SPIDR: variants seen among roughly 807,000 people sequenced by gnomAD.
SPIDR encodes the protein scaffold protein involved in DNA repair, also known as DNA repair-scaffolding protein.
In SPIDR, 93 loss-of-function variants were observed where a neutral mutation model predicts 104.6. The ratio of observed to expected loss-of-function variants is 0.89; its 90% CI spans 0.75 to 1.06. SPIDR has a LOEUF of 1.06. Ranked by LOEUF, SPIDR falls within the 50% of genes least tolerant of loss-of-function variation. The pLI, the probability that SPIDR is intolerant of heterozygous loss-of-function variation, is 0.00. For missense variants in SPIDR, 1,154 were observed against 1,111.2 expected (o/e 1.04, Z -0.55); for synonymous variants, 431 against 416.9 (o/e 1.03, Z -0.41).
intron 8 of SPIDR, among the ~76,000 whole-genome samples, chr8:47,506,102 A>G (rs1380619379): frequency 6.6e-6 from 1 of 152,178 alleles, no homozygotes; most frequent in Non-Finnish European, 1.5e-5. Context: ...TTGTAATGCT[A>G]CAAGAGTTGA....
At chr8:47,482,615 C>T (rs1292569974) in intron 8 of SPIDR, among the ~76,000 whole-genome samples, 3 of 152,226 alleles carry the variant, frequency 2.0e-5, no homozygotes, top group Non-Finnish European at 2.9e-5. Flanking sequence ...AAATGACAAG[C>T]GAGGCAACTG....
rs1216921611 is a variant in SPIDR at position 47,670,059 on chromosome 8, G to A, written c.1545-3742G>A. 2.0e-5 allele frequency among the ~76,000 whole-genome samples: 3 copies of A among 152,048 alleles called. No homozygotes were observed. In the East Asian group the frequency reaches 5.8e-4, roughly 29 times the overall value. ...AAGCAAAGTCTTGGGGGTATCAGTA[G>A]GAGATGACCAGGCCTTAATGTAATC... On this transcript the variant is annotated intron_variant, in intron 10 of 19. Transcript: ENST00000297423.
intron 8 of SPIDR, among the ~76,000 whole-genome samples, chr8:47,548,923 C>A (rs2089972656): frequency 6.6e-6 from 1 of 152,154 alleles, no homozygotes; most frequent in Non-Finnish European, 1.5e-5. Context: ...TCCCTTCTCC[C>A]CCTACCCCAT....
intron 10 of SPIDR, among the ~76,000 whole-genome samples, chr8:47,599,687 T>C (rs1416459489): frequency 2.0e-5 from 3 of 152,200 alleles, no homozygotes. Flanking sequence ...CACCATCCAA[T>C]GCAGTTAAGT....
intron 5 of SPIDR, among the ~76,000 whole-genome samples, chr8:47,344,201 G>A (rs1392500224): frequency 6.7e-6 from 1 of 149,352 alleles, no homozygotes; most frequent in Non-Finnish European, 1.5e-5. Flanking sequence ...TCCCACCTAT[G>A]AGTGAGAACA....
At chr8:47,641,005 G>A (rs527396302) in intron 10 of SPIDR, among the ~76,000 whole-genome samples, 4 of 151,236 alleles carry the variant, frequency 2.6e-5, no homozygotes, top group Non-Finnish European at 4.4e-5. Context: ...GAGCCACTGC[G>A]CCTGGCTGAG....
At chr8:47,629,010 T>G (rs1029655102) in intron 10 of SPIDR, among the ~76,000 whole-genome samples, 9 of 152,168 alleles carry the variant, frequency 5.9e-5, no homozygotes, top group African/African-American at 2.2e-4. Flanking sequence ...AATGATTAAG[T>G]TGTAAAAATA....
intron 5 of SPIDR, among the ~76,000 whole-genome samples, chr8:47,384,484 G>T (rs1356596611): frequency 6.6e-6 from 1 of 152,050 alleles, no homozygotes; most frequent in African/African-American, 2.4e-5. Flanking sequence ...ACTGGTATCC[G>T]CAGGCTGTAG....
chr8:47,346,274 T>A (rs1461386463), intron 5 of SPIDR, among the ~76,000 whole-genome samples: 2 of 152,224 alleles, frequency 1.3e-5, no homozygotes, highest in African/African-American at 4.8e-5. Context: ...GTTTATTGAT[T>A]TGCGTATATT....
intron 8 of SPIDR, among the ~76,000 whole-genome samples, chr8:47,522,963 G>A (rs1483817397): frequency 2.0e-5 from 3 of 151,442 alleles, no homozygotes; most frequent in Non-Finnish European, 4.4e-5. Context: ...TGTGTGTGTG[G>A]TTTGCTTTCT....
chr8:47,447,036 G>T (rs1029693629), intron 8 of SPIDR, among the ~76,000 whole-genome samples: 4 of 152,136 alleles, frequency 2.6e-5, no homozygotes, highest in Admixed American at 2.0e-4. Context: ...ACCCTCTTCA[G>T]TGACTTCAGG....
chr8:47,654,947 A>T (rs189471773), intron 10 of SPIDR, among the ~76,000 whole-genome samples: 1 of 151,790 alleles, frequency 6.6e-6, no homozygotes, highest in Non-Finnish European at 1.5e-5. Flanking sequence ...TCATTGTTCA[A>T]TTCCTACCTA....
At chr8:47,511,871 G>A in intron 8 of SPIDR, 1 of 818,862 alleles carries the variant, frequency 1.2e-6, no homozygotes, top group South Asian at 1.3e-5. Context: ...TAAAACCTCT[G>A]GCCTTCCTCC....
At chr8:47,538,867 T>C (rs2154388155) in intron 8 of SPIDR, among the ~76,000 whole-genome samples, 1 of 142,490 alleles carries the variant, frequency 7.0e-6, no homozygotes, top group East Asian at 2.0e-4. Context: ...CTTTTTTTTT[T>C]TTTTTTTTTT....
intron 5 of SPIDR, among the ~76,000 whole-genome samples, chr8:47,304,410 T>G (rs1206475975): frequency 3.3e-5 from 5 of 152,250 alleles, no homozygotes; most frequent in African/African-American, 9.6e-5. Flanking sequence ...CTCCTGCCTG[T>G]AACCCCAGCA....
chr8:47,638,898 G>A (rs985250860), intron 10 of SPIDR, among the ~76,000 whole-genome samples: 67 of 152,208 alleles, frequency 4.4e-4, no homozygotes, highest in African/African-American at 1.5e-3. Context: ...CGGCATGAAC[G>A]GTTCCTATTC....
At chr8:47,724,893 T>C (rs2083982516) in intron 16 of SPIDR, among the ~76,000 whole-genome samples, 1 of 152,054 alleles carries the variant, frequency 6.6e-6, no homozygotes, top group African/African-American at 2.4e-5. Context: ...GGTGAAGTCG[T>C]TTGGCAGCGC....
intron 7 of SPIDR, among the ~76,000 whole-genome samples, chr8:47,436,111 C>T (rs1355056537): frequency 6.6e-6 from 1 of 152,106 alleles, no homozygotes; most frequent in Non-Finnish European, 1.5e-5. Context: ...CCTTGCATGG[C>T]CAGGCACTTC....
chr8:47,277,836 G>A (rs1167723970), intron 1 of SPIDR, among the ~76,000 whole-genome samples: 1 of 151,600 alleles, frequency 6.6e-6, no homozygotes, highest in Non-Finnish European at 1.5e-5. Flanking sequence ...CACCATTCCC[G>A]GCTAATTTTT....
Sources: allele counts gnomAD v4.1 joint callset (sites outside exome capture counted in the v4.1 genomes callset), GRCh38; gene constraint gnomAD v4.1.1; transcripts MANE v1.5; gene names NCBI Gene and HGNC (gene_info 2026-07-23, HGNC 2026-07-21).